Variants in CDK12 observed in about 807,000 individuals in gnomAD.
CDK12 encodes the protein cyclin dependent kinase 12.
A neutral mutation model predicts 133.8 loss-of-function variants in CDK12; 17 were observed. The observed-to-expected ratio is 0.13, with a 90% CI of 0.09 to 0.19. The LOEUF is 0.19. Ranked by LOEUF, CDK12 falls within the 10% of genes least tolerant of loss-of-function variation. The pLI is 1.00. For missense variants in CDK12, 1,508 were observed against 1,818.7 expected, an observed-to-expected ratio of 0.83 and a Z score of 3.11; for synonymous variants, 694 against 683.6, an observed-to-expected ratio of 1.02 and a Z score of -0.24.
Position 39,531,316 on chromosome 17 carries a change from A to C in CDK12, c.4473A>C (p.Ter1491TyrextTer32). ...RGGRGRGVPY[*>Y] is the part of the protein sequence containing the mutation. The stretch of plus-strand genomic sequence containing the variant: ...GAAGAGGGAGAGGAGTTCCTTACTA[A>C]CCCAGAGACTTCAGTGTCCTGAAAG... Residue 1491 changes from the stop codon to tyrosine (Y), a stop_lost, in exon 14 of 14, where the codon TAA (stop) becomes TAC (tyrosine). Coordinates refer to ENST00000447079, the MANE Select transcript of CDK12 (RefSeq NM_016507.4). 1.4e-6 allele frequency: 2 copies of C among 1,470,870 alleles called. No individual in the cohort carries two copies. The highest frequency in any genetic ancestry group is 1.8e-6 in the Non-Finnish European group (2 of 1,112,446). 91.1% of individuals were successfully genotyped at this position (1,470,870 alleles called of 1,614,324 possible).
chr17:39,540,238 A>G lies in CDK12; in HGVS notation c.451-4011A>G, dbSNP rs1020155652. Among the ~76,000 whole-genome samples, 13 of 152,250 alleles carry G rather than the reference A, an allele frequency of 8.5e-5. No homozygotes were observed. The East Asian group carries it at 9.6e-4, about 11-fold the overall frequency. On this transcript the variant is annotated intron_variant and NMD_transcript_variant, in intron 1 of 4. Coordinates refer to the CDK12 transcript ENST00000559663. ...ATAAAAGCCTCAGGATGATGATCCC[A>G]AGACACATTTGTGCTGTTGGTGGTG... is the stretch of plus-strand genomic sequence containing the variant.
chr17:39,510,677 A>G (rs902506234), intron 7 of CDK12, among the ~76,000 whole-genome samples: 2 of 149,980 alleles, frequency 1.3e-5, no homozygotes, highest in African/African-American at 4.9e-5. Context: ...GCAATGGCAC[A>G]ATCTTGGCTC....
At chr17:39,564,422 C>T (rs1424601266) in intron 3 of CDK12, among the ~76,000 whole-genome samples, 4 of 152,160 alleles carry the variant, frequency 2.6e-5, no homozygotes, top group Admixed American at 2.0e-4. Context: ...TAAGGCCTTC[C>T]TCCTACCACC....
chr17:39,525,895 A>T lies in CDK12; in HGVS notation c.3339A>T (p.Gln1113His). Residue 1113 changes from glutamine (Q) to histidine (H), a missense_variant, in exon 13 of 14, where the codon CAA (glutamine) becomes CAT (histidine). Gln to His is a conservative substitution (Grantham distance 24, BLOSUM62 0). This residue lies in a region of CDK12 where 399 missense variants were observed against 469.6 expected (regional missense o/e 0.85). Coordinates refer to ENST00000447079, the MANE Select transcript of CDK12 (RefSeq NM_016507.4). ...CTGACATCACACAACAGCTGAATCA[A>T]AGTGAATTGGCAGTGTTATTAAACC... Reference protein sequence around the residue: ...GLADITQQLNQSELAVLLNLL... With the variant: ...GLADITQQLNHSELAVLLNLL... 1 of 1,614,198 alleles carries T rather than the reference A, an allele frequency of 6.2e-7. No individual in the cohort carries two copies. The highest frequency in any genetic ancestry group is 2.2e-5 in the East Asian group (1 of 44,888).
upstream of CDK12, chr17:39,544,412 AC>A (rs1488998924): frequency 4.9e-6 from 2 of 407,238 alleles, no homozygotes; most frequent in East Asian, 1.1e-4. Context: ...GTGTGGGATG[AC>A]CCTACTCCCA....
chr17:39,465,140 G>T (rs1418064857), intron 1 of CDK12, among the ~76,000 whole-genome samples: 1 of 151,614 alleles, frequency 6.6e-6, no homozygotes, highest in East Asian at 1.9e-4. Flanking sequence ...CAGCTACTCG[G>T]AAGGCTGAGG....
At chr17:39,518,970 C>T (rs2053987499) in intron 10 of CDK12, among the ~76,000 whole-genome samples, 1 of 152,122 alleles carries the variant, frequency 6.6e-6, no homozygotes. Flanking sequence ...GGCATCATCT[C>T]GGCTCACTGC....
Position 39,484,176 on chromosome 17 carries a change from A to C in CDK12, c.1932-6381A>C, listed in dbSNP as rs530031051. On this transcript the variant is annotated intron_variant, in intron 2 of 13. Coordinates refer to ENST00000447079, the MANE Select transcript of CDK12 (RefSeq NM_016507.4). Reference sequence around the variant, plus strand: ...TTTTTTTATTAACAGTATTTTTATTAGAAGTGTTTCCATTACACCCACAGA... The same window carrying C: ...TTTTTTTATTAACAGTATTTTTATTCGAAGTGTTTCCATTACACCCACAGA... Among the ~76,000 whole-genome samples, 169 of 152,286 alleles carry C rather than the reference A, an allele frequency of 1.1e-3. 1 individual carries two copies. The highest frequency in any genetic ancestry group is 4.0e-3 in the African/African-American group (165 of 41,576).
At chr17:39,549,422 A>G (rs1411728354), upstream of CDK12, 6 of 152,256 alleles carry the variant, frequency 3.9e-5, no homozygotes, top group East Asian at 1.9e-4. Context: ...TCCTTTACCT[A>G]TGAAGTGCTA....
chr17:39,508,522 C>G (rs1023084048), intron 6 of CDK12, among the ~76,000 whole-genome samples: 27 of 152,082 alleles, frequency 1.8e-4, no homozygotes, highest in Non-Finnish European at 2.6e-4. Flanking sequence ...AAAAATATTC[C>G]TTCATGCAGG....
chr17:39,556,046 A>G (rs1190446117), intron 2 of CDK12, among the ~76,000 whole-genome samples: 2 of 151,624 alleles, frequency 1.3e-5, no homozygotes, highest in Non-Finnish European at 2.9e-5. Flanking sequence ...AAAAAAAAAA[A>G]AAAAAGAAAA....
Position 39,532,111 on chromosome 17 carries a change from TCTCTCTCTCTCTCTCTCTC to T in CDK12, c.*796_*814del, listed in dbSNP as rs2054893718. ...TGCTCTCTCTCTCTCTTTCTCTCTC[TCTCTCTCTCTCTCTCTCTC>T]TCTCTCTCTCTCTGTCTCGCTTGCT... On this transcript the variant is annotated 3_prime_UTR_variant, in exon 14 of 14. Coordinates refer to ENST00000447079, the MANE Select transcript of CDK12 (RefSeq NM_016507.4). The T allele has an allele frequency of 1.8e-5, 3 of 165,876 alleles. No homozygotes were observed. Among genetic ancestry groups the T allele is most frequent in the Non-Finnish European group, 3.8e-5 (3 of 78,916 alleles). 10.3% of individuals were successfully genotyped at this position (165,876 alleles called of 1,614,324 possible). A position where few individuals can be genotyped will look rare whatever the true frequency, so the allele number is the denominator to read the frequency against.
chr17:39,545,888 C>T (rs1384493334), upstream of CDK12, among the ~76,000 whole-genome samples: 11 of 150,928 alleles, frequency 7.3e-5, no homozygotes, highest in Middle Eastern at 3.5e-3. Context: ...CTCCACCTTC[C>T]GGGTTCACGC....
In CDK12 at chr17:39,531,569, A is replaced by G; in HGVS notation, c.*253A>G. 2.6e-6 allele frequency: 1 copy of G among 382,022 alleles called. No individual in the cohort carries two copies. The highest frequency in any genetic ancestry group is 4.6e-6 in the Non-Finnish European group (1 of 215,576). The allele number at this position is 382,022 out of a possible 1,614,324, so 23.7% of individuals were successfully genotyped here. ...ACTCTACCTTAGTAGATACAAGTAGAGAATATGGAGAGGATCATTACATTG... is the reference window on the plus strand; with the variant it reads ...ACTCTACCTTAGTAGATACAAGTAGGGAATATGGAGAGGATCATTACATTG... On this transcript the variant is annotated 3_prime_UTR_variant, in exon 14 of 14. Transcript: ENST00000447079.
rs370484448 is a variant in CDK12, at chr17:39,511,517, T to A, written c.2667-12T>A. On this transcript the variant is annotated splice_polypyrimidine_tract_variant and intron_variant, in intron 7 of 13. Transcript: ENST00000447079. ...CTGTAAGTTTATGTCATGGTTGTTT[T>A]TTATATTTCAGTCGCCCTTACACAA... The A allele has an allele frequency of 4.3e-4, 666 of 1,560,798 alleles. 4 individuals are homozygous for A. The African/African-American group carries it at 7.8e-3, about 18-fold the overall frequency.
intron 9 of CDK12, among the ~76,000 whole-genome samples, chr17:39,516,268 A>G (rs918916504): frequency 1.3e-4 from 20 of 152,214 alleles, no homozygotes; most frequent in Non-Finnish European, 1.3e-4. Flanking sequence ...ATATGGGGAA[A>G]GCCCAGGATT....
At chr17:39,563,620 G>A (rs1328871198) in intron 3 of CDK12, among the ~76,000 whole-genome samples, 1 of 152,058 alleles carries the variant, frequency 6.6e-6, no homozygotes, top group Admixed American at 6.5e-5. Flanking sequence ...TCTCTGTGGA[G>A]CAATCTCAGA....
Position 39,482,599 on chromosome 17 carries a change from A to ATTTTTTTTTTTTTTTTTTTT in CDK12, c.1932-7956_1932-7937dup, listed in dbSNP as rs71147345. 1.7e-4 allele frequency among the ~76,000 whole-genome samples: 13 copies of ATTTTTTTTTTTTTTTTTTTT among 74,420 alleles called. 2 individuals are homozygous for ATTTTTTTTTTTTTTTTTTTT. The highest frequency in any genetic ancestry group is 2.6e-4 in the African/African-American group (6 of 23,484). The allele number at this position is 74,420 out of a possible 152,430, so 48.8% of individuals were successfully genotyped here. ...GCTGCCAAAGTGAACAATCAACTAC[A>ATTTTTTTTTTTTTTTTTTTT]TTTTTTTTTTTTTTTTTTTTTGAGG... On this transcript the variant is annotated intron_variant, in intron 2 of 13. Transcript: ENST00000447079.
intron 2 of CDK12, among the ~76,000 whole-genome samples, chr17:39,489,109 C>T (rs543729802): frequency 6.9e-6 from 1 of 144,096 alleles, no homozygotes; most frequent in African/African-American, 2.6e-5. Context: ...GAGATGGAGT[C>T]TCACTCTGTC....
Sources: allele counts gnomAD v4.1 joint callset (sites outside exome capture counted in the v4.1 genomes callset), GRCh38; gene constraint gnomAD v4.1.1; regional missense constraint gnomAD v4.1.1; transcripts MANE v1.5; gene names NCBI Gene and HGNC (gene_info 2026-07-23, HGNC 2026-07-21).